TRPC5: variants seen among roughly 807,000 people sequenced by gnomAD.
TRPC5 encodes transient receptor potential cation channel subfamily C member 5.
TRPC5 carries 9 observed loss-of-function variants against 56.5 expected under a neutral mutation model. The ratio of observed to expected loss-of-function variants is 0.16; its 90% CI spans 0.10 to 0.28. The LOEUF (loss-of-function observed/expected upper bound fraction) is 0.28, where lower values mean the gene tolerates loss of function less well. Among genes scored for constraint, TRPC5 ranks in the 10% least tolerant of loss-of-function variants. The probability of loss-of-function intolerance (pLI) is 1.00; values close to 1 mark genes in which losing one functional copy is unlikely to be tolerated. For synonymous variants in TRPC5, 282 were observed against 278.5 expected, an observed-to-expected ratio of 1.01 and a Z score of -0.13; for missense variants, 469 against 748.9, an observed-to-expected ratio of 0.63 and a Z score of 4.36.
chrX:111,955,080 A>C (rs1927196082), intron 1 of TRPC5, among the ~76,000 whole-genome samples: 1 of 111,948 alleles, frequency 8.9e-6, no homozygotes. Context: ...AGACAACAGT[A>C]AAATCATGGT....
intron 1 of TRPC5, among the ~76,000 whole-genome samples, chrX:112,004,415 A>T (rs1369427271): frequency 8.9e-6 from 1 of 111,938 alleles, no homozygotes; most frequent in Non-Finnish European, 1.9e-5. Context: ...TGCTGAAGGC[A>T]ATCCTGTTCT....
At chrX:111,795,233 A>G (rs1456658567) in intron 7 of TRPC5, among the ~76,000 whole-genome samples, 1 of 110,867 alleles carries the variant, frequency 9.0e-6, no homozygotes, top group Non-Finnish European at 1.9e-5. Context: ...TAGACAAAAA[A>G]CCTTCAATCT....
intron 3 of TRPC5, among the ~76,000 whole-genome samples, chrX:111,875,727 GA>G (rs1221195148): frequency 1.5e-3 from 159 of 109,318 alleles, no homozygotes; most frequent in African/African-American, 4.9e-3. Flanking sequence ...AGCAACTGTA[GA>G]AAAAAATAAT....
At chrX:111,910,465 C>T (rs1384026414) in intron 3 of TRPC5, among the ~76,000 whole-genome samples, 1 of 111,967 alleles carries the variant, frequency 8.9e-6, no homozygotes, top group Non-Finnish European at 1.9e-5. Flanking sequence ...CATTTTACTG[C>T]ACAGAATTAG....
chrX:111,923,332 AG>A (rs1023718472), intron 2 of TRPC5, among the ~76,000 whole-genome samples: 1 of 112,068 alleles, frequency 8.9e-6, no homozygotes, highest in African/African-American at 3.2e-5. Context: ...AACGTTTGGC[AG>A]CCCACAAAAC....
intron 1 of TRPC5, among the ~76,000 whole-genome samples, chrX:112,054,477 G>T (rs922279970): frequency 6.3e-5 from 7 of 110,804 alleles, no homozygotes; most frequent in Admixed American, 5.8e-4. Flanking sequence ...AAGAGAGAGG[G>T]TCAAGATGTG....
intron 1 of TRPC5, among the ~76,000 whole-genome samples, chrX:112,068,726 A>G (rs887125347): frequency 9.8e-5 from 11 of 111,686 alleles, no homozygotes; most frequent in African/African-American, 3.6e-4. Context: ...ATAATTAGGA[A>G]GAGCCCTGGG....
At chrX:111,877,701 T>C (rs1490409793) in intron 3 of TRPC5, among the ~76,000 whole-genome samples, 1 of 110,718 alleles carries the variant, frequency 9.0e-6, no homozygotes, top group Admixed American at 9.7e-5. Flanking sequence ...TGCAAATCCT[T>C]TGTGGAATGA....
At chrX:111,961,380 G>A (rs929934838) in intron 1 of TRPC5, among the ~76,000 whole-genome samples, 5 of 111,551 alleles carry the variant, frequency 4.5e-5, no homozygotes, top group Non-Finnish European at 9.4e-5. Flanking sequence ...TTAATATTGT[G>A]TAGGAATTTT....
chrX:111,920,146 G>A lies in TRPC5; in HGVS notation c.379-7334C>T, dbSNP rs868529673. 9.9e-5 allele frequency among the ~76,000 whole-genome samples: 11 copies of A among 110,956 alleles called. No homozygotes were observed. In the East Asian group the frequency reaches 1.4e-3, roughly 14 times the overall value. On this transcript the variant is annotated intron_variant, in intron 2 of 10. Coordinates refer to ENST00000262839, the MANE Select transcript of TRPC5 (RefSeq NM_012471.3). ...AAAAATTAGCTGGACATGGTGGTGCGCACCTGTAATCCCATCTACTCGGGA... is the reference window on the plus strand; with the variant it reads ...AAAAATTAGCTGGACATGGTGGTGCACACCTGTAATCCCATCTACTCGGGA...
intron 1 of TRPC5, among the ~76,000 whole-genome samples, chrX:112,049,173 A>C (rs1029647234): frequency 1.8e-5 from 2 of 111,931 alleles, no homozygotes; most frequent in Admixed American, 1.9e-4. Context: ...CTGCAACTGT[A>C]AACTGCTCTT....
At chrX:111,990,972 G>A (rs774284606) in intron 1 of TRPC5, among the ~76,000 whole-genome samples, 1 of 112,330 alleles carries the variant, frequency 8.9e-6, no homozygotes, top group African/African-American at 3.2e-5. Context: ...GTAGGCAAGG[G>A]CTTGTCTGAA....
chrX:112,032,628 G>A (rs775000993), intron 1 of TRPC5, among the ~76,000 whole-genome samples: 5 of 112,037 alleles, frequency 4.5e-5, no homozygotes, highest in Non-Finnish European at 7.5e-5. Flanking sequence ...GTTACATAGC[G>A]TATATGCCTA....
chrX:112,035,932 ATTATG>A (rs1929728039), intron 1 of TRPC5, among the ~76,000 whole-genome samples: 1 of 108,113 alleles, frequency 9.2e-6, no homozygotes, highest in Non-Finnish European at 1.9e-5. Context: ...CCCGGCCTAT[ATTATG>A]TTATATGTTA....
At chrX:112,071,276 C>A (rs1256439180) in intron 1 of TRPC5, among the ~76,000 whole-genome samples, 2 of 109,372 alleles carry the variant, frequency 1.8e-5, no homozygotes, top group Non-Finnish European at 3.8e-5. Context: ...CCACTGCACT[C>A]CAGCCTGGGT....
intron 3 of TRPC5, among the ~76,000 whole-genome samples, chrX:111,905,615 T>G (rs1925565172): frequency 8.9e-6 from 1 of 111,736 alleles, no homozygotes. Context: ...TTAAAGACCC[T>G]AGAAAAATGC....
At chrX:111,929,144 G>T (rs1427041894) in intron 2 of TRPC5, among the ~76,000 whole-genome samples, 1 of 112,118 alleles carries the variant, frequency 8.9e-6, no homozygotes, top group Non-Finnish European at 1.9e-5. Context: ...CTCTTGCAGG[G>T]CTCCACCGAT....
At chrX:112,047,871 A>T (rs1350734405) in intron 1 of TRPC5, among the ~76,000 whole-genome samples, 1 of 111,915 alleles carries the variant, frequency 8.9e-6, no homozygotes, top group African/African-American at 3.3e-5. Flanking sequence ...CTTATCTTTC[A>T]CAGTGTTTGA....
chrX:112,070,993 A>G (rs1397163572), intron 1 of TRPC5, among the ~76,000 whole-genome samples: 1 of 111,452 alleles, frequency 9.0e-6, no homozygotes. Context: ...AATCCTGTGA[A>G]GTTGGGCTTG....
Sources: gnomAD v4.1 joint callset for allele counts (sites outside exome capture counted in the v4.1 genomes callset) on GRCh38, gnomAD v4.1.1 for gene constraint, MANE v1.5 for transcripts, NCBI Gene and HGNC (gene_info 2026-07-23, HGNC 2026-07-21) for gene names.